Variants in STAG1 observed in about 807,000 individuals in gnomAD.
The protein encoded by STAG1 is cohesin subunit SA-1.
In STAG1, 26 loss-of-function variants were observed where a neutral mutation model predicts 170.9. The ratio of observed to expected loss-of-function variants is 0.15; its 90% CI spans 0.11 to 0.21. The LOEUF (loss-of-function observed/expected upper bound fraction) is 0.21. STAG1 is among the 10% of genes least tolerant of loss of function. The pLI is 1.00. For missense variants in STAG1, 964 were observed against 1,509.5 expected, an observed-to-expected ratio of 0.64 and a Z score of 5.99; for synonymous variants, 514 against 497.7, an observed-to-expected ratio of 1.03 and a Z score of -0.44.
intron 3 of STAG1, among the ~76,000 whole-genome samples, chr3:136,610,112 G>A (rs1384533245): frequency 6.6e-6 from 1 of 151,828 alleles, no homozygotes; most frequent in Non-Finnish European, 1.5e-5. Flanking sequence ...TCAGCTCACT[G>A]CAACCTCCAC....
chr3:136,614,754 T>G (rs1030988198), intron 3 of STAG1, among the ~76,000 whole-genome samples: 1 of 151,956 alleles, frequency 6.6e-6, no homozygotes, highest in Non-Finnish European at 1.5e-5. Context: ...TAAGTTGCAG[T>G]ATGAATGTGC....
intron 8 of STAG1, among the ~76,000 whole-genome samples, chr3:136,502,119 G>A (rs974362919): frequency 5.9e-5 from 9 of 151,930 alleles, no homozygotes; most frequent in Non-Finnish European, 1.2e-4. Flanking sequence ...TGGAGGTTGC[G>A]GTGAGTTGAG....
At chr3:136,437,237 T>C (rs2088485950) in intron 15 of STAG1, among the ~76,000 whole-genome samples, 1 of 152,202 alleles carries the variant, frequency 6.6e-6, no homozygotes, top group South Asian at 2.1e-4. Flanking sequence ...TTGCACAGTG[T>C]TCAATTCCAT....
At chr3:136,454,415 GT>G (rs2107780877) in intron 13 of STAG1, among the ~76,000 whole-genome samples, 1 of 151,700 alleles carries the variant, frequency 6.6e-6, no homozygotes, top group South Asian at 2.1e-4. Context: ...GTCTCACTCT[GT>G]CGGCCTGGCT....
chr3:136,398,295 C>T (rs1576426828), intron 22 of STAG1, among the ~76,000 whole-genome samples: 1 of 151,970 alleles, frequency 6.6e-6, no homozygotes, highest in Non-Finnish European at 1.5e-5. Context: ...TTTTTGTATT[C>T]TTAGTAGAGA....
At chr3:136,711,596 A>G (rs575493323) in intron 1 of STAG1, among the ~76,000 whole-genome samples, 54 of 152,236 alleles carry the variant, frequency 3.5e-4, no homozygotes, top group African/African-American at 1.3e-3. Context: ...TCTACAGGAT[A>G]TTTAGATTTA....
At chr3:136,447,595 C>CTTTTTTTTTTTTTTTTTTTT (rs1559806771) in intron 14 of STAG1, among the ~76,000 whole-genome samples, 1 of 121,414 alleles carries the variant, frequency 8.2e-6, no homozygotes, top group African/African-American at 3.2e-5. Flanking sequence ...AAAAGCATCA[C>CTTTTTTTTTTTTTTTTTTTT]ATTTTTTTTT....
chr3:136,557,413 G>C (rs761396587), intron 5 of STAG1, among the ~76,000 whole-genome samples: 1 of 152,168 alleles, frequency 6.6e-6, no homozygotes, highest in African/African-American at 2.4e-5. Context: ...TCTAGATGAC[G>C]TAAAAACCTA....
intron 13 of STAG1, 66 bp from the exon 14 acceptor site, chr3:136,452,213 C>T (rs1285129594): frequency 3.2e-6 from 3 of 949,202 alleles, no homozygotes; most frequent in Non-Finnish European, 5.1e-6. Flanking sequence ...CCTCAACACA[C>T]AAATCATTTC....
intron 7 of STAG1, among the ~76,000 whole-genome samples, chr3:136,513,283 G>A (rs1280330164): frequency 1.3e-5 from 2 of 151,958 alleles, no homozygotes; most frequent in Non-Finnish European, 2.9e-5. Flanking sequence ...CTTGAACCCA[G>A]GAGGCATAGG....
At chr3:136,553,039 A>G (rs1407462977) in intron 5 of STAG1, among the ~76,000 whole-genome samples, 1 of 152,220 alleles carries the variant, frequency 6.6e-6, no homozygotes, top group Non-Finnish European at 1.5e-5. Flanking sequence ...AAGACTTAAA[A>G]TACTAGAATT....
At chr3:136,656,328 GAA>G (rs1370892443) in intron 1 of STAG1, among the ~76,000 whole-genome samples, 1 of 152,090 alleles carries the variant, frequency 6.6e-6, no homozygotes, top group Admixed American at 6.5e-5. Context: ...TTTGCAAGAT[GAA>G]AAAGAGTCCT....
chr3:136,463,790 C>CACACACAT (rs780473277), intron 13 of STAG1, among the ~76,000 whole-genome samples: 1 of 135,774 alleles, frequency 7.4e-6, no homozygotes, highest in Non-Finnish European at 1.6e-5. Context: ...CACACACACA[C>CACACACAT]ATATACATAT....
At chr3:136,356,100 G>C (rs1475984852) in intron 28 of STAG1, among the ~76,000 whole-genome samples, 1 of 149,774 alleles carries the variant, frequency 6.7e-6, no homozygotes, top group Non-Finnish European at 1.5e-5. Flanking sequence ...GTCTTGCCCA[G>C]GCTGCTCTCA....
At chr3:136,584,133 T>C (rs561496216) in intron 4 of STAG1, among the ~76,000 whole-genome samples, 18 of 152,342 alleles carry the variant, frequency 1.2e-4, no homozygotes, top group African/African-American at 4.1e-4. Flanking sequence ...AAAAGCACAA[T>C]GCTCTCCTGT....
chr3:136,728,150 G>C (rs1341437911), intron 1 of STAG1, among the ~76,000 whole-genome samples: 3 of 151,356 alleles, frequency 2.0e-5, no homozygotes, highest in African/African-American at 7.3e-5. Flanking sequence ...AAGTGCGAAA[G>C]CCCATTTCAA....
chr3:136,493,656 G>GAAAAAAAA (rs549570470), intron 9 of STAG1, among the ~76,000 whole-genome samples: 1 of 63,190 alleles, frequency 1.6e-5, no homozygotes, highest in Non-Finnish European at 3.2e-5. Flanking sequence ...TCCTGTCTCC[G>GAAAAAAAA]AAAAAAAAAA....
intron 1 of STAG1, among the ~76,000 whole-genome samples, chr3:136,745,506 T>C (rs1934890504): frequency 6.6e-6 from 1 of 152,202 alleles, no homozygotes; most frequent in African/African-American, 2.4e-5. Context: ...CAGATCATCA[T>C]GCATTAGATA....
chr3:136,348,189 A>G (rs1402889313), intron 29 of STAG1, among the ~76,000 whole-genome samples: 3 of 152,192 alleles, frequency 2.0e-5, no homozygotes, highest in Non-Finnish European at 4.4e-5. Context: ...TATTAGAAGC[A>G]TGAAGAAGGA....
Sources: gnomAD v4.1 joint callset for allele counts (sites outside exome capture counted in the v4.1 genomes callset) on GRCh38, gnomAD v4.1.1 for gene constraint, MANE v1.5 for transcripts, NCBI Gene and HGNC (gene_info 2026-07-23, HGNC 2026-07-21) for gene names.